ESPNL: variants seen among roughly 807,000 people sequenced by gnomAD.
ESPNL encodes the protein espin-like protein.
ESPNL carries 49 observed loss-of-function variants against 46.8 expected under a neutral mutation model. The ratio of observed to expected loss-of-function variants is 1.05; its 90% confidence interval spans 0.83 to 1.33. The LOEUF (loss-of-function observed/expected upper bound fraction) is 1.33, where lower values mean the gene tolerates loss of function less well. Ranked by LOEUF, ESPNL falls within the 40% of genes most tolerant of loss-of-function variation. The pLI is 0.00. For missense variants in ESPNL, 1,540 were observed against 1,436.6 expected (o/e 1.07, Z -1.16); for synonymous variants, 664 against 662.1 (o/e 1.00, Z -0.04).
In ESPNL at chr2:238,104,699, C is replaced by T; in HGVS notation, c.529C>T (p.Leu177=). 1 of 1,606,904 alleles carries T rather than the reference C, an allele frequency of 6.2e-7. No individual in the cohort carries two copies. ...RTRSGASPLY[L]ACQEGHLHLA... is the part of the protein sequence containing the mutation. ...ACGCAGTGGCGCCTCCCCACTCTACCTGGCCTGCCAGGAGGGCCACCTGCA... is the reference window on the plus strand; with the variant it reads ...ACGCAGTGGCGCCTCCCCACTCTACTTGGCCTGCCAGGAGGGCCACCTGCA... Residue 177 remains leucine (L), a synonymous_variant, in exon 3 of 9, where the codon CTG becomes TTG. Coordinates refer to ENST00000343063, the MANE Select transcript of ESPNL (RefSeq NM_194312.4).
intron 3 of ESPNL, 25 bp downstream of exon 3, chr2:238,104,867 G>A (rs755766510): frequency 1.4e-4 from 204 of 1,458,748 alleles, no homozygotes; most frequent in Non-Finnish European, 1.7e-4. Flanking sequence ...GAGGTGGGAA[G>A]GGGACATCCA....
intron 8 of ESPNL, chr2:238,129,333 G>A (rs1692225571): frequency 1.5e-5 from 13 of 882,088 alleles, no homozygotes; most frequent in Non-Finnish European, 1.5e-5. Flanking sequence ...CTCTGGGGAC[G>A]TGGCCTTGAG....
intron 5 of ESPNL, among the ~76,000 whole-genome samples, chr2:238,124,699 A>G (rs780222279): frequency 5.3e-4 from 34 of 64,268 alleles, no homozygotes; most frequent in Middle Eastern, 0.014. Flanking sequence ...GAGTACGTGC[A>G]TGTGTGTGCA....
At chr2:238,115,759 G>A (rs558278065) in intron 4 of ESPNL, among the ~76,000 whole-genome samples, 2 of 152,320 alleles carry the variant, frequency 1.3e-5, no homozygotes, top group African/African-American at 4.8e-5. Flanking sequence ...TGCAACCTCC[G>A]CCTCTTGGCT....
Position 238,131,387 on chromosome 2 carries a change from C to G in ESPNL, c.2673C>G (p.Thr891=). ...LCFEVFEHLG[T]HGWEAVRAFH... is the part of the protein sequence containing the mutation. ...TCGAGGTCTTCGAGCACCTGGGCAC[C>G]CACGGCTGGGAGGCTGTGCGCGCCT... The change falls in exon 9 of 9, where the codon ACC becomes ACG. Residue 891 remains threonine, a synonymous_variant. Coordinates refer to ENST00000343063, the MANE Select transcript of ESPNL (RefSeq NM_194312.4). 6.2e-7 allele frequency: 1 copy of G among 1,605,486 alleles called. No homozygotes were observed. Among genetic ancestry groups the G allele is most frequent in the Non-Finnish European group, 8.5e-7 (1 of 1,176,906 alleles).
intron 7 of ESPNL, among the ~76,000 whole-genome samples, chr2:238,128,467 G>C (rs1026990174): frequency 1.3e-5 from 2 of 152,170 alleles, no homozygotes; most frequent in African/African-American, 2.4e-5. Context: ...TCATTTCTCT[G>C]CCGACAATCC....
intron 6 of ESPNL, among the ~76,000 whole-genome samples, chr2:238,126,226 G>GTGTT (rs1553573804): frequency 2.9e-5 from 2 of 70,010 alleles, no homozygotes; most frequent in Non-Finnish European, 5.4e-5. Context: ...TTGTGTCTGT[G>GTGTT]TCTGTATTGT....
At position 238,104,670 on chromosome 2, in the gene ESPNL, G is replaced by T. The variant is rs34046909; in HGVS notation, c.500G>T (p.Arg167Leu). 6.3e-7 allele frequency: 1 copy of T among 1,595,586 alleles called. No individual in the cohort carries two copies. Among genetic ancestry groups the T allele is most frequent in the Non-Finnish European group, 8.5e-7 (1 of 1,170,946 alleles). The change falls in exon 3 of 9, where the codon CGG becomes CTG. Residue 167 changes from arginine to leucine, a missense_variant. By Grantham distance (102) the Arg-to-Leu change is moderately radical. Transcript: ENST00000343063. The part of the protein sequence containing the change: ...TAAHGSSVNR[R>L]TRSGASPLYL... ...CTTCCCTGCAGCAGCGTGAACCGGC[G>T]GACACGCAGTGGCGCCTCCCCACTC...
intron 4 of ESPNL, among the ~76,000 whole-genome samples, chr2:238,115,522 C>T (rs1411041516): frequency 1.3e-5 from 2 of 152,380 alleles, no homozygotes; most frequent in South Asian, 2.1e-4. Flanking sequence ...CTGCCACACA[C>T]GACAGCGTCA....
chr2:238,130,902 G>A lies in ESPNL; in HGVS notation c.2188G>A (p.Gly730Ser), dbSNP rs747971476. 1.5e-4 allele frequency: 235 copies of A among 1,545,114 alleles called. 1 individual carries two copies. Among genetic ancestry groups the A allele is most frequent in the Admixed American group, 5.7e-4 (29 of 51,104 alleles). Residue 730 changes from glycine (G) to serine (S), a missense_variant, in exon 9 of 9, where the codon GGC becomes AGC. Physicochemically the swap from Gly to Ser is moderately conservative, Grantham distance 56. Transcript: ENST00000343063. ...GCCATCAGAGGCGGGTGCCGCAGCC[G>A]GCCCAGACCTGGCCAGCCTGCGCAA... ...EVPSEAGAAAGPDLASLRKER... is the reference protein window; with the variant it reads ...EVPSEAGAAASPDLASLRKER...
rs773793136 is a variant in ESPNL at position 238,131,532 on chromosome 2, G to A, written c.2818G>A (p.Gly940Ser). The A allele has an allele frequency of 1.2e-6, 2 of 1,611,562 alleles. No homozygotes were observed. The highest frequency in any genetic ancestry group is 4.5e-5 in the East Asian group (2 of 44,814). Residue 940 changes from glycine (G) to serine (S), a missense_variant, in exon 9 of 9, where the codon GGC becomes AGC. Transcript: ENST00000343063. ...GCGTCCCGCCTGGGATACGGAGCCT[G>A]GCCGCAAGTCAGGTCTGACCCTGCT... is the stretch of plus-strand genomic sequence containing the variant. ...SQRPAWDTEP[G>S]RKSGLTLLGP...
chr2:238,131,345 G>A lies in ESPNL; in HGVS notation c.2631G>A (p.Leu877=). 6.3e-7 allele frequency: 1 copy of A among 1,594,950 alleles called. No individual in the cohort carries two copies. The highest frequency in any genetic ancestry group is 1.7e-4 in the Middle Eastern group (1 of 6,038). The change falls in exon 9 of 9, where the codon CTG becomes CTA. Residue 877 remains leucine, a synonymous_variant. Coordinates refer to ENST00000343063, the MANE Select transcript of ESPNL (RefSeq NM_194312.4). The part of the protein sequence containing the change: ...ECDLPAEERK[L]RHLLCFEVFE... ...ACCTGCCGGCGGAGGAGCGGAAGCT[G>A]CGCCACCTGCTGTGCTTCGAGGTCT...
intron 5 of ESPNL, among the ~76,000 whole-genome samples, chr2:238,124,540 C>T (rs560376933): frequency 1.1e-4 from 16 of 152,082 alleles, no homozygotes; most frequent in Admixed American, 3.9e-4. Flanking sequence ...GGGGGGTGTG[C>T]GGGAGAGTGT....
At chr2:238,115,711 T>G (rs1157538447) in intron 4 of ESPNL, among the ~76,000 whole-genome samples, 1 of 152,234 alleles carries the variant, frequency 6.6e-6, no homozygotes, top group East Asian at 1.9e-4. Context: ...TCACTGTTGT[T>G]GCCCAGGCTG....
intron 4 of ESPNL, among the ~76,000 whole-genome samples, chr2:238,113,543 A>G (rs1691755156): frequency 6.6e-6 from 1 of 151,938 alleles, no homozygotes; most frequent in Admixed American, 6.6e-5. Flanking sequence ...TTGTATTTTT[A>G]TTTTTGTTGA....
chr2:238,101,981 C>T lies in ESPNL; in HGVS notation c.335C>T (p.Ala112Val). Residue 112 changes from alanine to valine, a missense_variant, in exon 2 of 9, where the codon GCC (alanine) becomes GTC (valine). By Grantham distance (64) the Ala-to-Val change is moderately conservative. Transcript: ENST00000343063. ...ASGVSPLHLA[A>V]RFGHPVLVEW... is the part of the protein sequence containing the mutation. ...GGCGTCTCCCCGCTGCACCTGGCCG[C>T]CCGTTTTGGACACCCAGTGCTGGTG... 1 of 1,610,544 alleles carries T rather than the reference C, an allele frequency of 6.2e-7. No homozygotes were observed. The highest frequency in any genetic ancestry group is 8.5e-7 in the Non-Finnish European group (1 of 1,179,696).
At chr2:238,122,429 G>C (rs1692008226) in intron 5 of ESPNL, among the ~76,000 whole-genome samples, 2 of 152,170 alleles carry the variant, frequency 1.3e-5, no homozygotes, top group South Asian at 4.1e-4. Context: ...CAAGAACTCT[G>C]ATTTACAGGT....
chr2:238,127,291 C>A, intron 6 of ESPNL: 1 of 1,076,968 alleles, frequency 9.3e-7, no homozygotes, highest in Non-Finnish European at 1.1e-6. Flanking sequence ...TTGCAGGCAG[C>A]AAGGGAACCA....
chr2:238,108,955 C>T (rs1691660411), intron 4 of ESPNL, among the ~76,000 whole-genome samples: 1 of 152,192 alleles, frequency 6.6e-6, no homozygotes, highest in Non-Finnish European at 1.5e-5. Flanking sequence ...GGCAGCGCTG[C>T]TGAAAGCATC....
Sources: gnomAD v4.1 joint callset for allele counts (sites outside exome capture counted in the v4.1 genomes callset) on GRCh38, gnomAD v4.1.1 for gene constraint, MANE v1.5 for transcripts, NCBI Gene and HGNC (gene_info 2026-07-23, HGNC 2026-07-21) for gene names.